Variants in UBXN4 observed in about 807,000 individuals in gnomAD.
The protein encoded by UBXN4 is UBX domain-containing protein 4.
UBXN4 carries 35 observed loss-of-function variants against 66.2 expected under a neutral mutation model. The ratio of observed to expected loss-of-function variants is 0.53; its 90% CI spans 0.40 to 0.70. The LOEUF (loss-of-function observed/expected upper bound fraction) is 0.70, where lower values mean the gene tolerates loss of function less well. UBXN4 is among the 30% of genes least tolerant of loss of function. The pLI is 0.00. For missense variants in UBXN4, 533 were observed against 599.8 expected (o/e 0.89, Z 1.16); for synonymous variants, 203 against 204.5 (o/e 0.99, Z 0.06).
chr2:135,770,730 G>T lies in UBXN4; in HGVS notation c.817G>T (p.Ala273Ser). 1 of 1,509,260 alleles carries T rather than the reference G, an allele frequency of 6.6e-7. No homozygotes were observed. Among genetic ancestry groups the T allele is most frequent in the Non-Finnish European group, 8.8e-7 (1 of 1,135,562 alleles). The allele number at this position is 1,509,260 out of a possible 1,614,324, so 93.5% of individuals were successfully genotyped here. ...AARERIKQQI[A>S]LDRAERAARF... is the part of the protein sequence containing the mutation. ...TCGAGAACGTATAAAACAGCAGATT[G>T]CATTGGTAAGTCTTAAGTTTCCAGA... The change falls in exon 8 of 13, where the codon GCA becomes TCA. Residue 273 changes from alanine to serine, a missense_variant. Physicochemically the swap from Ala to Ser is moderately conservative, Grantham distance 99 (BLOSUM62 1). Transcript: ENST00000272638.
intron 9 of UBXN4, among the ~76,000 whole-genome samples, chr2:135,774,504 G>A (rs923754579): frequency 6.6e-6 from 1 of 152,028 alleles, no homozygotes; most frequent in Non-Finnish European, 1.5e-5. Flanking sequence ...TAGGTAAATC[G>A]CACTTCCAAA....
intron 12 of UBXN4, among the ~76,000 whole-genome samples, chr2:135,782,100 T>G (rs60963894): frequency 0.21 from 32,681 of 152,098 alleles, 4,008 homozygotes; most frequent in Middle Eastern, 0.57. Flanking sequence ...AACAACACTT[T>G]TTTCAAATAA....
At chr2:135,766,534 G>C (rs993285029) in intron 6 of UBXN4, among the ~76,000 whole-genome samples, 6 of 152,130 alleles carry the variant, frequency 3.9e-5, no homozygotes, top group Non-Finnish European at 5.9e-5. Flanking sequence ...CTTCTTGTTT[G>C]CATTTTTCAT....
chr2:135,779,856 A>T (rs1005929003), intron 11 of UBXN4, among the ~76,000 whole-genome samples: 14 of 127,240 alleles, frequency 1.1e-4, no homozygotes, highest in Admixed American at 9.0e-4. Context: ...TATATAAAAT[A>T]ATTATATAAA....
At chr2:135,767,312 G>A (rs1288402038) in intron 6 of UBXN4, among the ~76,000 whole-genome samples, 2 of 152,112 alleles carry the variant, frequency 1.3e-5, no homozygotes, top group African/African-American at 4.8e-5. Context: ...AGTGAGCCGA[G>A]ATCGTGCCAC....
intron 1 of UBXN4, chr2:135,742,651 A>G (rs2077183351): frequency 6.6e-6 from 1 of 152,314 alleles, no homozygotes; most frequent in Non-Finnish European, 1.5e-5. Context: ...GACTGTCGGG[A>G]AGAAAGCTGT....
intron 12 of UBXN4, among the ~76,000 whole-genome samples, chr2:135,781,491 A>G (rs1478303864): frequency 6.6e-6 from 1 of 152,232 alleles, no homozygotes; most frequent in Non-Finnish European, 1.5e-5. Context: ...CTATGTGATA[A>G]GTAATAGAAA....
chr2:135,758,732 T>C (rs1013921069), intron 5 of UBXN4, among the ~76,000 whole-genome samples: 2 of 152,172 alleles, frequency 1.3e-5, no homozygotes, highest in African/African-American at 4.8e-5. Context: ...ATATAAATCT[T>C]TTAAGATTAT....
chr2:135,758,903 C>T (rs111776598), intron 5 of UBXN4, among the ~76,000 whole-genome samples: 7,746 of 151,978 alleles, frequency 0.051, 358 homozygotes, highest in African/African-American at 0.12. Flanking sequence ...GGACTACAGG[C>T]GTGCACCACC....
intron 10 of UBXN4, 141 bp from the exon 11 acceptor site, chr2:135,778,807 C>A (rs557093955): frequency 4.0e-5 from 38 of 944,666 alleles, no homozygotes; most frequent in Non-Finnish European, 5.6e-5. Flanking sequence ...GCTGGAAGCA[C>A]AATTTTATAC....
intron 12 of UBXN4, among the ~76,000 whole-genome samples, chr2:135,780,962 C>T (rs1405823371): frequency 2.0e-5 from 3 of 152,230 alleles, no homozygotes; most frequent in African/African-American, 4.8e-5. Context: ...CAGTGGCTCA[C>T]GCCTGTAATC....
intron 1 of UBXN4, chr2:135,747,568 A>G: frequency 2.2e-6 from 1 of 455,968 alleles, no homozygotes; most frequent in South Asian, 1.6e-5. Flanking sequence ...ATTTTGGAGT[A>G]TAAATGCTGT....
chr2:135,745,893 T>C (rs1217386025), intron 1 of UBXN4, among the ~76,000 whole-genome samples: 1 of 140,728 alleles, frequency 7.1e-6, no homozygotes, highest in African/African-American at 2.6e-5. Context: ...TTTTTTTTTT[T>C]TTTGAGATGG....
rs1025696955 is a variant in UBXN4, at chr2:135,779,208, T to C, written c.1185+129T>C. ...GGTAATTAAAATTCAAGTGATCCAATAATTAGATGAATTTATAATTCCATT... is the reference window on the plus strand; with the variant it reads ...GGTAATTAAAATTCAAGTGATCCAACAATTAGATGAATTTATAATTCCATT... On this transcript the variant is annotated intron_variant, in intron 11 of 12. Coordinates refer to ENST00000272638, the MANE Select transcript of UBXN4 (RefSeq NM_014607.4). 4.1e-6 allele frequency: 4 copies of C among 972,940 alleles called. No homozygotes were observed. The African/African-American group carries it at 6.7e-5, about 16-fold the overall frequency. 60.3% of individuals were successfully genotyped at this position (972,940 alleles called of 1,614,324 possible).
chr2:135,746,666 G>C (rs2077208825), intron 1 of UBXN4, among the ~76,000 whole-genome samples: 1 of 152,144 alleles, frequency 6.6e-6, no homozygotes, highest in African/African-American at 2.4e-5. Flanking sequence ...ATTCCAGGCA[G>C]AGGAAACAAC....
Position 135,779,095 on chromosome 2 carries a change from T to C in UBXN4, c.1185+16T>C. 1 of 1,561,252 alleles carries C rather than the reference T, an allele frequency of 6.4e-7. No homozygotes were observed. Among genetic ancestry groups the C allele is most frequent in the South Asian group, 1.3e-5 (1 of 79,322 alleles). On this transcript the variant is annotated intron_variant, in intron 11 of 12. Transcript: ENST00000272638. ...ACTGTTGCCAGTATGTATATACAGA[T>C]GCATTTTTTTCTCTTCTTATTGTTT...
chr2:135,761,949 A>T, intron 6 of UBXN4, 38 bp downstream of exon 6: 1 of 1,569,210 alleles, frequency 6.4e-7, no homozygotes, highest in Non-Finnish European at 8.7e-7. Context: ...TTTGTTTAAA[A>T]AGACAGTGGT....
chr2:135,763,778 A>G (rs1478249670), intron 6 of UBXN4, among the ~76,000 whole-genome samples: 1 of 151,838 alleles, frequency 6.6e-6, no homozygotes, highest in Non-Finnish European at 1.5e-5. Context: ...GTGAGCCATG[A>G]TCACACCACT....
chr2:135,769,097 G>T (rs944878419), intron 6 of UBXN4, among the ~76,000 whole-genome samples: 1 of 152,096 alleles, frequency 6.6e-6, no homozygotes, highest in African/African-American at 2.4e-5. Context: ...CGACCTCCCG[G>T]CTCAAGCAAT....
Sources: gnomAD v4.1 joint callset for allele counts (sites outside exome capture counted in the v4.1 genomes callset) on GRCh38, gnomAD v4.1.1 for gene constraint, MANE v1.5 for transcripts, NCBI Gene and HGNC (gene_info 2026-07-23, HGNC 2026-07-21) for gene names.